The following VCAN variants were observed in gnomAD, a reference collection of about 807,000 sequenced individuals.
The protein encoded by VCAN is versican core protein.
In VCAN, 44 loss-of-function variants were observed where a neutral mutation model predicts 245.5. The ratio of observed to expected loss-of-function variants is 0.18; its 90% CI spans 0.14 to 0.23. VCAN has a LOEUF of 0.23. Ranked by LOEUF, VCAN falls within the 10% of genes least tolerant of loss-of-function variation. The probability of loss-of-function intolerance (pLI) is 1.00; values close to 1 mark genes in which losing one functional copy is unlikely to be tolerated. For missense variants in VCAN, 3,793 were observed against 4,057.9 expected, an observed-to-expected ratio of 0.93 and a Z score of 1.77; for synonymous variants, 1,413 against 1,437.0, an observed-to-expected ratio of 0.98 and a Z score of 0.38.
intron 5 of VCAN, among the ~76,000 whole-genome samples, chr5:83,502,870 G>A (rs1029758086): frequency 1.3e-5 from 2 of 152,072 alleles, no homozygotes; most frequent in African/African-American, 2.4e-5. Context: ...AAATTTGGAG[G>A]GGGCCCTCCT....
At chr5:83,472,214 G>A (rs1744218073) in intron 1 of VCAN, among the ~76,000 whole-genome samples, 191 bp downstream of exon 1, 2 of 152,004 alleles carry the variant, frequency 1.3e-5, no homozygotes, top group African/African-American at 4.8e-5. Flanking sequence ...TTGGGGAGAG[G>A]CATACAGAGG....
chr5:83,524,226 G>A (rs1171748000), intron 7 of VCAN, among the ~76,000 whole-genome samples: 2 of 152,100 alleles, frequency 1.3e-5, no homozygotes, highest in East Asian at 3.8e-4. Flanking sequence ...GTCTGAGTAA[G>A]CTAAACCTGA....
At chr5:83,535,992 T>C (rs1184333130) in intron 7 of VCAN, 1 of 152,136 alleles carries the variant, frequency 6.6e-6, no homozygotes, top group East Asian at 1.9e-4. Context: ...AATGCCTCTA[T>C]GATGAGACCT....
At chr5:83,544,303 G>T (rs772033166) in intron 8 of VCAN, among the ~76,000 whole-genome samples, 2 of 152,250 alleles carry the variant, frequency 1.3e-5, no homozygotes, top group Non-Finnish European at 2.9e-5. Flanking sequence ...GTACTCATCT[G>T]AATTAACCTA....
Position 83,541,324 on chromosome 5 carries a change from T to C in VCAN, c.8321T>C (p.Val2774Ala), listed in dbSNP as rs756185444. ...EFSSGAEEAL[V>A]DHTPYLSIAT... ...TCTTCAGGAGCTGAGGAGGCATTAG[T>C]AGACCATACTCCCTATCTAAGTATT... The change falls in exon 8 of 15, where the codon GTA (valine) becomes GCA (alanine). Residue 2774 changes from valine to alanine, a missense_variant. Val to Ala is a moderately conservative substitution (Grantham distance 64, BLOSUM62 0). This residue lies in a region of VCAN where 3,182 missense variants were observed against 3,250.3 expected (regional missense o/e 0.98). Transcript: ENST00000265077. The C allele has an allele frequency of 2.9e-5, 46 of 1,613,996 alleles. No individual in the cohort carries two copies. Among genetic ancestry groups the C allele is most frequent in the Admixed American group, 1.3e-4 (8 of 59,976 alleles).
rs1182697308 is a variant in VCAN at position 83,493,914 on chromosome 5, A to G, written c.731A>G (p.Tyr244Cys). 5 of 1,613,958 alleles carry G rather than the reference A, an allele frequency of 3.1e-6. No individual in the cohort carries two copies. ...SPQETYDVYC[Y>C]VDHLDGDVFH... ...CAGGAAACTTACGATGTGTATTGTT[A>G]TGTGGATCATCTGGATGGTAAGATG... The change falls in exon 5 of 15, where the codon TAT (tyrosine) becomes TGT (cysteine). Residue 244 changes from tyrosine (Y) to cysteine (C), a missense_variant. By Grantham distance (194) the Tyr-to-Cys change is radical. Coordinates refer to ENST00000265077, the MANE Select transcript of VCAN (RefSeq NM_004385.5).
intron 13 of VCAN, among the ~76,000 whole-genome samples, chr5:83,578,202 G>T (rs994142493): frequency 6.6e-6 from 1 of 152,040 alleles, no homozygotes; most frequent in Non-Finnish European, 1.5e-5. Flanking sequence ...GGAGCTGGAG[G>T]TCATCATCCT....
intron 2 of VCAN, among the ~76,000 whole-genome samples, chr5:83,484,714 A>G (rs1292686562): frequency 1.3e-5 from 2 of 152,198 alleles, no homozygotes; most frequent in South Asian, 2.1e-4. Context: ...TTCTCTAGTT[A>G]TGGGAGACCA....
intron 10 of VCAN, among the ~76,000 whole-genome samples, chr5:83,550,260 C>T (rs952994010): frequency 6.6e-6 from 1 of 152,152 alleles, no homozygotes; most frequent in African/African-American, 2.4e-5. Flanking sequence ...GTGATAGTTT[C>T]ACCTTCTATG....
intron 1 of VCAN, among the ~76,000 whole-genome samples, chr5:83,480,521 C>T (rs537613998): frequency 4.2e-4 from 64 of 152,216 alleles, no homozygotes; most frequent in Middle Eastern, 6.8e-3. Context: ...ATTGTTGGCA[C>T]GGAGTTTCAA....
In VCAN at chr5:83,519,338, T is replaced by G. The variant is rs1745979527; in HGVS notation, c.1043-11T>G. 6.2e-7 allele frequency: 1 copy of G among 1,613,482 alleles called. No homozygotes were observed. Among genetic ancestry groups the G allele is most frequent in the Non-Finnish European group, 8.5e-7 (1 of 1,179,670 alleles). Reference sequence around the variant, plus strand: ...ACTTGTCTAATCAACTCTTTGAAATTATTTTTCTAGCTAAAGAGGCTACAA... The same window carrying G: ...ACTTGTCTAATCAACTCTTTGAAATGATTTTTCTAGCTAAAGAGGCTACAA... On this transcript the variant is annotated splice_polypyrimidine_tract_variant and intron_variant, in intron 6 of 14. Coordinates refer to ENST00000265077, the MANE Select transcript of VCAN (RefSeq NM_004385.5).
intron 13 of VCAN, among the ~76,000 whole-genome samples, chr5:83,574,021 G>A (rs763270401): frequency 6.6e-6 from 1 of 152,144 alleles, no homozygotes; most frequent in Non-Finnish European, 1.5e-5. Context: ...GTCTGAGACC[G>A]AAAGCCTCAA....
intron 7 of VCAN, among the ~76,000 whole-genome samples, chr5:83,523,659 G>C (rs2112415946): frequency 1.3e-5 from 2 of 152,170 alleles, no homozygotes; most frequent in South Asian, 4.1e-4. Flanking sequence ...TAGTAGAGAA[G>C]AGAACACACC....
At chr5:83,570,468 A>G (rs1266499132) in intron 12 of VCAN, among the ~76,000 whole-genome samples, 1 of 152,162 alleles carries the variant, frequency 6.6e-6, no homozygotes, top group African/African-American at 2.4e-5. Context: ...AAATTATTTT[A>G]TGAAAGATCT....
intron 13 of VCAN, among the ~76,000 whole-genome samples, chr5:83,577,034 C>T (rs1451852594): frequency 6.6e-6 from 1 of 151,994 alleles, no homozygotes; most frequent in Non-Finnish European, 1.5e-5. Flanking sequence ...TCACCCTTAC[C>T]TTATGATATT....
intron 2 of VCAN, among the ~76,000 whole-genome samples, chr5:83,487,070 T>G (rs1275800575): frequency 1.3e-5 from 2 of 152,218 alleles, no homozygotes; most frequent in African/African-American, 4.8e-5. Context: ...TTATATTATC[T>G]TACAAACTGT....
chr5:83,476,639 G>A (rs1344339231), intron 1 of VCAN, among the ~76,000 whole-genome samples: 1 of 152,084 alleles, frequency 6.6e-6, no homozygotes, highest in Admixed American at 6.6e-5. Flanking sequence ...TCCTCTTGTA[G>A]CCTAGACTTG....
rs546558808 is a variant in VCAN, at chr5:83,573,223, A to G, written c.9880+663A>G. 1.1e-4 allele frequency among the ~76,000 whole-genome samples: 16 copies of G among 152,176 alleles called. 1 individual carries two copies. The South Asian group carries it at 3.3e-3, about 32-fold the overall frequency. On this transcript the variant is annotated intron_variant, in intron 13 of 14. Coordinates refer to ENST00000265077, the MANE Select transcript of VCAN (RefSeq NM_004385.5). The stretch of plus-strand genomic sequence containing the variant: ...GACTTCTTTTTTTATTTTGATGAGA[A>G]CATTACAAAATAAAATAGTTGTCAA...
chr5:83,539,109 A>G lies in VCAN; in HGVS notation c.6106A>G (p.Thr2036Ala), dbSNP rs745971281. ...LPSAVQKFSG[T>A]ASSIIDEGLG... ...CAGTGCTGTGCAAAAGTTTTCTGGTACAGCTTCCTCCATTATCGACGAAGG... is the reference window on the plus strand; with the variant it reads ...CAGTGCTGTGCAAAAGTTTTCTGGTGCAGCTTCCTCCATTATCGACGAAGG... Residue 2036 changes from threonine to alanine, a missense_variant, in exon 8 of 15, where the codon ACA becomes GCA. Transcript: ENST00000265077. The G allele has an allele frequency of 1.2e-6, 2 of 1,613,898 alleles. No homozygotes were observed. Among genetic ancestry groups the G allele is most frequent in the East Asian group, 4.5e-5 (2 of 44,856 alleles).
Sources: gnomAD v4.1 joint callset for allele counts (sites outside exome capture counted in the v4.1 genomes callset) on GRCh38, gnomAD v4.1.1 for gene constraint, gnomAD v4.1.1 regional missense constraint, MANE v1.5 for transcripts, NCBI Gene and HGNC (gene_info 2026-07-23, HGNC 2026-07-21) for gene names.